EPHA10: variants seen among roughly 807,000 people sequenced by gnomAD.
The protein encoded by EPHA10 is EPH receptor A10, also known as ephrin type-A receptor 10.
EPHA10 carries 120 observed loss-of-function variants against 109.7 expected under a neutral mutation model. That is an observed-to-expected ratio of 1.09 (90% CI 0.94 to 1.27). EPHA10 has a LOEUF of 1.27. EPHA10 is among the 50% of genes most tolerant of loss of function. The pLI is 0.00. For synonymous variants in EPHA10, 640 were observed against 618.9 expected, an observed-to-expected ratio of 1.03 and a Z score of -0.51; for missense variants, 1,396 against 1,411.1, an observed-to-expected ratio of 0.99 and a Z score of 0.17.
chr1:37,718,662 G>C lies in EPHA10; in HGVS notation c.2911C>G (p.Gln971Glu). The C allele has an allele frequency of 6.2e-7, 1 of 1,613,202 alleles. No homozygotes were observed. The highest frequency in any genetic ancestry group is 8.5e-7 in the Non-Finnish European group (1 of 1,180,034). Residue 971 changes from glutamine (Q) to glutamate (E), a missense_variant and splice_region_variant, in exon 16 of 17, where the codon CAG becomes GAG. By Grantham distance (29) the Gln-to-Glu change is conservative. Transcript: ENST00000373048. The part of the protein sequence containing the change: ...SLEAVAEMTA[Q>E]DLVSLGISLA... ...TTGACCTTGGTGCCTTGGACTCACT[G>C]GGCAGTCATCTCGGCCACGGCCTCC...
chr1:37,727,258 AGGCAAGCCCCAG>A, intron 7 of EPHA10, 48 bp from the exon 8 acceptor site: 1 of 1,501,184 alleles, frequency 6.7e-7, no homozygotes. Context: ...CCAGGCTCCT[AGGCAAGCCCCAG>A]GGCAGACTCC....
chr1:37,732,131 C>T (rs544539997), intron 6 of EPHA10, among the ~76,000 whole-genome samples: 1 of 152,176 alleles, frequency 6.6e-6, no homozygotes, highest in South Asian at 2.1e-4. Context: ...AAAGACTCCC[C>T]CAAGGCCCCA....
chr1:37,728,204 C>A (rs1645925573), intron 7 of EPHA10, among the ~76,000 whole-genome samples: 1 of 152,080 alleles, frequency 6.6e-6, no homozygotes, highest in African/African-American at 2.4e-5. Context: ...AAACAGACTG[C>A]ATGAAGGCGG....
intron 14 of EPHA10, 37 bp from the exon 15 acceptor site, chr1:37,719,644 G>T: frequency 6.2e-7 from 1 of 1,609,168 alleles, no homozygotes; most frequent in South Asian, 1.1e-5. Context: ...AGGAGGCTCT[G>T]GGTTTCCCCA....
intron 4 of EPHA10, among the ~76,000 whole-genome samples, chr1:37,753,467 G>A (rs1646360776): frequency 6.6e-6 from 1 of 151,500 alleles, no homozygotes; most frequent in African/African-American, 2.4e-5. Context: ...TAGAAGGGAC[G>A]ACCGGTGAAG....
chr1:37,761,552 C>G lies in EPHA10; in HGVS notation c.703G>C (p.Glu235Gln), dbSNP rs1192027150. ...AAESAFSTLV[E>Q]VAGTCVAHSE... ...TGCGCCACGCACGTTCCGGCCACTT[C>G]CACCAGTGTGGAGAAGGCGCTCTCG... The change falls in exon 3 of 17, where the codon GAA becomes CAA. Residue 235 changes from glutamate (E) to glutamine (Q), a missense_variant. Transcript: ENST00000373048. 1.9e-6 allele frequency: 3 copies of G among 1,599,018 alleles called. No homozygotes were observed. The South Asian group carries it at 3.3e-5, about 18-fold the overall frequency.
intron 7 of EPHA10, among the ~76,000 whole-genome samples, chr1:37,728,723 A>C (rs1054820691): frequency 3.9e-5 from 6 of 152,170 alleles, no homozygotes; most frequent in Non-Finnish European, 7.3e-5. Flanking sequence ...TTCGGATGTC[A>C]CAGAGCAAGT....
intron 11 of EPHA10, 53 bp from the exon 12 acceptor site, chr1:37,720,897 G>A (rs1175345480): frequency 1.4e-5 from 22 of 1,578,990 alleles, no homozygotes; most frequent in Middle Eastern, 1.7e-4. Flanking sequence ...CACTCCGCAC[G>A]CACACAAGTT....
At position 37,764,216 on chromosome 1, in the gene EPHA10, A is replaced by G. The variant is rs948741004; in HGVS notation, c.106+745T>C. Among the ~76,000 whole-genome samples the G allele has an allele frequency of 2.0e-5, 3 of 152,132 alleles. No individual in the cohort carries two copies. The highest frequency in any genetic ancestry group is 2.9e-5 in the Non-Finnish European group (2 of 68,020). On this transcript the variant is annotated intron_variant, in intron 1 of 16. Transcript: ENST00000373048. This position sits in a 1 kb window ranked among gnomAD's most constrained non-coding sequence, Gnocchi z 5.8. Reference sequence around the variant, plus strand: ...CCGACGGCTTTCCGAGATCCGCGCAACTGACAGCACATCGGAATCGCGAAC... The same window carrying G: ...CCGACGGCTTTCCGAGATCCGCGCAGCTGACAGCACATCGGAATCGCGAAC...
In EPHA10 at chr1:37,754,338, G is replaced by C; in HGVS notation, c.883C>G (p.Arg295Gly). The C allele has an allele frequency of 7.6e-7, 1 of 1,309,344 alleles. No individual in the cohort carries two copies. The highest frequency in any genetic ancestry group is 9.8e-7 in the Non-Finnish European group (1 of 1,022,980). The allele number at this position is 1,309,344 out of a possible 1,614,324, so 81.1% of individuals were successfully genotyped here. A position where few individuals can be genotyped will look rare whatever the true frequency, so the allele number is the denominator to read the frequency against. The change falls in exon 4 of 17, where the codon CGG becomes GGG. Residue 295 changes from arginine to glycine, a missense_variant. Physicochemically the swap from Arg to Gly is moderately radical, Grantham distance 125. Coordinates refer to ENST00000373048, the MANE Select transcript of EPHA10 (RefSeq NM_001099439.2). The surrounding 1 kb of genome is among the most constrained non-coding windows in gnomAD (Gnocchi z 4.5). ...GGGCACGGTGAGCAGAGGGGCCGCC[G>C]CGGGGACACCTTGTAAAACCCTGGG... The part of the protein sequence containing the change: ...CPPGFYKVSP[R>G]RPLCSPCPEH...
Position 37,754,367 on chromosome 1 carries a change from C to CGT in EPHA10, c.853_854insAC (p.Cys285TyrfsTer65). 1 of 1,303,070 alleles carries CGT rather than the reference C, an allele frequency of 7.7e-7. No homozygotes were observed. Among genetic ancestry groups the CGT allele is most frequent in the African/African-American group, 1.5e-5 (1 of 65,150 alleles). 80.7% of individuals were successfully genotyped at this position (1,303,070 alleles called of 1,614,324 possible). On this transcript the variant is annotated frameshift_variant, in exon 4 of 17. Transcript: ENST00000373048. LOFTEE classifies it high-confidence loss of function. This position sits in a 1 kb window ranked among gnomAD's most constrained non-coding sequence, Gnocchi z 4.5. ...GGACACCTTGTAAAACCCTGGGGGACAGGCTGCAGGGCATGGCTGGTGAGA... is the reference window on the plus strand; with the variant it reads ...GGACACCTTGTAAAACCCTGGGGGACGTAGGCTGCAGGGCATGGCTGGTGAGA...
intron 5 of EPHA10, among the ~76,000 whole-genome samples, chr1:37,742,810 A>C (rs920601418): frequency 2.0e-5 from 3 of 151,902 alleles, no homozygotes; most frequent in Non-Finnish European, 4.4e-5. Flanking sequence ...ACATAGCAAT[A>C]CTCCGTCTCT....
At chr1:37,723,598 C>A (rs929393588) in intron 8 of EPHA10, among the ~76,000 whole-genome samples, 1 of 152,222 alleles carries the variant, frequency 6.6e-6, no homozygotes, top group African/African-American at 2.4e-5. Context: ...CACCACCATC[C>A]CTAGCTACTT....
At position 37,761,649 on chromosome 1, in the gene EPHA10, G is replaced by T; in HGVS notation, c.606C>A (p.Val202=). The change falls in exon 3 of 17, where the codon GTC becomes GTA. Residue 202 remains valine (V), a synonymous_variant. Transcript: ENST00000373048. ...ACTGCTTGTAGTAGACGCGCACCGAGACAAGCGCCACGCATGCGCCCACGT... is the reference window on the plus strand; with the variant it reads ...ACTGCTTGTAGTAGACGCGCACCGATACAAGCGCCACGCATGCGCCCACGT... The part of the protein sequence containing the change: ...FQDVGACVAL[V]SVRVYYKQCR... 6.2e-7 allele frequency: 1 copy of T among 1,607,292 alleles called. No homozygotes were observed.
intron 3 of EPHA10, among the ~76,000 whole-genome samples, chr1:37,757,732 C>A (rs1193691276): frequency 6.6e-6 from 1 of 152,162 alleles, no homozygotes; most frequent in Non-Finnish European, 1.5e-5. Context: ...CTGATCCATT[C>A]ATTCAGCAAA....
rs1363967405 is a variant in EPHA10, at chr1:37,716,098, C to T, written c.*2274G>A. On this transcript the variant is annotated 3_prime_UTR_variant, in exon 17 of 17. Coordinates refer to ENST00000373048, the MANE Select transcript of EPHA10 (RefSeq NM_001099439.2). Reference sequence around the variant, plus strand: ...TGAGCTCAGACCAGGGTAATGGGGGCTTGCAGGCCACCTCTGTCCAGTGAA... The same window carrying T: ...TGAGCTCAGACCAGGGTAATGGGGGTTTGCAGGCCACCTCTGTCCAGTGAA... 2.1e-6 allele frequency: 1 copy of T among 466,996 alleles called. No homozygotes were observed. Among genetic ancestry groups the T allele is most frequent in the Non-Finnish European group, 4.0e-6 (1 of 248,540 alleles). The allele number at this position is 466,996 out of a possible 1,614,324, so 28.9% of individuals were successfully genotyped here. A position where few individuals can be genotyped will look rare whatever the true frequency, so the allele number is the denominator to read the frequency against.
intron 5 of EPHA10, among the ~76,000 whole-genome samples, chr1:37,751,461 C>T (rs1209645945): frequency 2.0e-5 from 3 of 151,036 alleles, no homozygotes; most frequent in Admixed American, 6.6e-5. Context: ...CCCAGCTACT[C>T]GGGAGGCTGA....
chr1:37,743,767 C>G (rs1646189842), intron 5 of EPHA10, among the ~76,000 whole-genome samples: 1 of 152,096 alleles, frequency 6.6e-6, no homozygotes, highest in Non-Finnish European at 1.5e-5. Context: ...GTAGGCTAGG[C>G]TAAGGTATGA....
intron 5 of EPHA10, among the ~76,000 whole-genome samples, chr1:37,745,460 A>T (rs1001741417): frequency 2.6e-5 from 4 of 152,176 alleles, no homozygotes; most frequent in African/African-American, 9.7e-5. Context: ...AGCTGCTTTG[A>T]AAAAGTTGGT....
Sources: gnomAD v4.1 joint callset for allele counts (sites outside exome capture counted in the v4.1 genomes callset) on GRCh38, gnomAD v4.1.1 for gene constraint, Gnocchi (gnomAD v3.1) non-coding constraint, MANE v1.5 for transcripts, NCBI Gene and HGNC (gene_info 2026-07-23, HGNC 2026-07-21) for gene names.